Variants in BNC2 observed in about 807,000 individuals in gnomAD.
BNC2 encodes the protein zinc finger protein basonuclin-2.
Under a neutral mutation model 76.3 loss-of-function variants are expected in BNC2, and 20 were observed. The observed-to-expected ratio is 0.26, with a 90% CI of 0.18 to 0.38. The LOEUF (loss-of-function observed/expected upper bound fraction) is 0.38, where lower values mean the gene tolerates loss of function less well. Among genes scored for constraint, BNC2 ranks in the 10% least tolerant of loss-of-function variants. The pLI is 1.00. For synonymous variants in BNC2, 582 were observed against 514.8 expected (o/e 1.13, Z -1.77); for missense variants, 1,382 against 1,399.8 (o/e 0.99, Z 0.20).
rs112651615 is a variant in BNC2, at chr9:16,584,474, A to G, written c.331-1389T>C. ...ATTAATATTAAATCTATGGATCCCT[A>G]TTGGTTTCAGATGTTGGAGTCCTCA... On this transcript the variant is annotated intron_variant, in intron 3 of 6. Coordinates refer to ENST00000380672, the MANE Select transcript of BNC2 (RefSeq NM_017637.6). Among the ~76,000 whole-genome samples the G allele has an allele frequency of 2.1e-3, 314 of 152,258 alleles. 2 individuals carry two copies. The highest frequency in any genetic ancestry group is 6.9e-3 in the African/African-American group (285 of 41,546).
chr9:16,796,215 G>T (rs56964529), intron 1 of BNC2, among the ~76,000 whole-genome samples: 2,537 of 152,190 alleles, frequency 0.017, 68 homozygotes, highest in African/African-American at 0.057. Flanking sequence ...GGCTTCTTTC[G>T]TAAGTACTTT....
In BNC2 at chr9:16,523,450, G is replaced by C. The variant is rs149655273; in HGVS notation, c.669+29080C>G. Among the ~76,000 whole-genome samples the C allele has an allele frequency of 6.4e-3, 845 of 131,492 alleles. 10 individuals carry two copies. Among genetic ancestry groups the C allele is most frequent in the African/African-American group, 0.023 (802 of 35,252 alleles). 86.3% of individuals were successfully genotyped at this position (131,492 alleles called of 152,430 possible). On this transcript the variant is annotated intron_variant, in intron 5 of 6. Transcript: ENST00000380672. ...AGCGCCACTGCACTCCAGCCTGGAC[G>C]AAATAGCAAGACCCCGTCTCAAAAC... is the stretch of plus-strand genomic sequence containing the variant.
At chr9:16,736,829 G>A (rs904021840) in intron 2 of BNC2, among the ~76,000 whole-genome samples, 7 of 149,438 alleles carry the variant, frequency 4.7e-5, no homozygotes, top group Non-Finnish European at 3.0e-5. Flanking sequence ...GGCCTGCCTA[G>A]CTCTTTCACT....
intron 3 of BNC2, among the ~76,000 whole-genome samples, chr9:16,694,868 A>AC (rs891293012): frequency 5.3e-5 from 8 of 151,916 alleles, no homozygotes; most frequent in South Asian, 2.1e-4. Context: ...TCTAAGGGAT[A>AC]CCCCCCCACC....
At chr9:16,792,858 A>G (rs908812632) in intron 1 of BNC2, among the ~76,000 whole-genome samples, 3 of 152,254 alleles carry the variant, frequency 2.0e-5, no homozygotes, top group African/African-American at 7.2e-5. Flanking sequence ...TCCATATGGA[A>G]TAGGAACGTG....
chr9:16,648,986 C>T lies in BNC2; in HGVS notation c.331-65901G>A, dbSNP rs114242584. ...ATCTTTATGTGCTAAAATAGCATAA[C>T]GACTTAGTCGCCTTAGACTCTGTAT... On this transcript the variant is annotated intron_variant, in intron 3 of 6. Coordinates refer to ENST00000380672, the MANE Select transcript of BNC2 (RefSeq NM_017637.6). Among the ~76,000 whole-genome samples, 27 of 152,258 alleles carry T rather than the reference C, an allele frequency of 1.8e-4. No individual in the cohort carries two copies. In the South Asian group the frequency reaches 3.7e-3, roughly 21 times the overall value.
intron 6 of BNC2, among the ~76,000 whole-genome samples, chr9:16,428,953 T>G (rs1587014384): frequency 1.3e-5 from 2 of 152,232 alleles, no homozygotes; most frequent in East Asian, 3.8e-4. Flanking sequence ...CTAAAAAGTA[T>G]TCTTTCTTCC....
intron 3 of BNC2, among the ~76,000 whole-genome samples, chr9:16,605,396 A>G (rs190735142): frequency 7.2e-5 from 11 of 152,226 alleles, no homozygotes; most frequent in Non-Finnish European, 1.6e-4. Flanking sequence ...CGCTATCATT[A>G]TCTCAATTTT....
At chr9:16,577,218 A>G (rs913065110) in intron 4 of BNC2, among the ~76,000 whole-genome samples, 1 of 152,136 alleles carries the variant, frequency 6.6e-6, no homozygotes, top group African/African-American at 2.4e-5. Flanking sequence ...TTGTTTATTG[A>G]TATTCAGATT....
chr9:16,540,575 CA>C (rs1335126978), intron 5 of BNC2, among the ~76,000 whole-genome samples: 1 of 152,058 alleles, frequency 6.6e-6, no homozygotes, highest in Non-Finnish European at 1.5e-5. Context: ...ATAAGGCATA[CA>C]AGCATAACTG....
At chr9:16,628,209 G>A (rs1346638556) in intron 3 of BNC2, among the ~76,000 whole-genome samples, 1 of 152,176 alleles carries the variant, frequency 6.6e-6, no homozygotes, top group Non-Finnish European at 1.5e-5. Flanking sequence ...GAACAAGCCG[G>A]CTCATCTGAA....
intron 3 of BNC2, among the ~76,000 whole-genome samples, chr9:16,707,127 G>A (rs1031830365): frequency 4.6e-5 from 7 of 152,044 alleles, no homozygotes; most frequent in Admixed American, 2.6e-4. Flanking sequence ...GTGTGAATCC[G>A]GGAGGCGGAG....
chr9:16,623,214 C>A (rs974161214), intron 3 of BNC2, among the ~76,000 whole-genome samples: 1 of 152,014 alleles, frequency 6.6e-6, no homozygotes, highest in Admixed American at 6.6e-5. Context: ...AAACGAGACA[C>A]AAAGTAGTCA....
rs190713694 is a variant in BNC2, at chr9:16,745,596, C to A, written c.4-7111G>T. Among the ~76,000 whole-genome samples, 296 of 152,270 alleles carry A rather than the reference C, an allele frequency of 1.9e-3. 1 individual carries two copies. Among genetic ancestry groups the A allele is most frequent in the Non-Finnish European group, 2.4e-3 (160 of 68,026 alleles). On this transcript the variant is annotated intron_variant, in intron 1 of 6. Coordinates refer to ENST00000380672, the MANE Select transcript of BNC2 (RefSeq NM_017637.6). ...ACTATTGCCATCTAAGTTCATGATG[C>A]CTGGCCTACAAGCATCCATTAGCAT...
chr9:16,738,264 G>T, intron 2 of BNC2, 96 bp downstream of exon 2: 5 of 1,349,648 alleles, frequency 3.7e-6, no homozygotes, highest in Non-Finnish European at 5.3e-6. Context: ...TAAAAGAGTG[G>T]CAGAAAGAAG....
At chr9:16,645,801 C>T (rs1821607252) in intron 3 of BNC2, among the ~76,000 whole-genome samples, 1 of 152,120 alleles carries the variant, frequency 6.6e-6, no homozygotes, top group Non-Finnish European at 1.5e-5. Context: ...TATTATTAAC[C>T]TAATCACCCA....
chr9:16,628,007 C>T (rs960386326), intron 3 of BNC2, among the ~76,000 whole-genome samples: 1 of 152,130 alleles, frequency 6.6e-6, no homozygotes, highest in Non-Finnish European at 1.5e-5. Flanking sequence ...GGGTTCAGGC[C>T]AATCCTTAAG....
At chr9:16,723,000 A>AT (rs1325952547) in intron 3 of BNC2, among the ~76,000 whole-genome samples, 1 of 152,196 alleles carries the variant, frequency 6.6e-6, no homozygotes, top group African/African-American at 2.4e-5. Context: ...ATATTTGAAT[A>AT]TATGTCTATT....
intron 6 of BNC2, among the ~76,000 whole-genome samples, chr9:16,419,962 T>TAGC (rs1168800096): frequency 1.3e-5 from 2 of 152,176 alleles, no homozygotes; most frequent in African/African-American, 2.4e-5. Flanking sequence ...TTTTACTATG[T>TAGC]AGCAGCATCA....
Sources: gnomAD v4.1 joint callset for allele counts (sites outside exome capture counted in the v4.1 genomes callset) on GRCh38, gnomAD v4.1.1 for gene constraint, MANE v1.5 for transcripts, NCBI Gene and HGNC (gene_info 2026-07-23, HGNC 2026-07-21) for gene names.